The following ANTXRL variants were observed in gnomAD, a reference collection of about 807,000 sequenced individuals.
ANTXRL encodes anthrax toxin receptor-like.
Under a neutral mutation model 75.4 loss-of-function variants are expected in ANTXRL, and 63 were observed. That is an observed-to-expected ratio of 0.84 (90% CI 0.68 to 1.03). ANTXRL has a LOEUF of 1.03. Among genes scored for constraint, ANTXRL ranks in the 50% least tolerant of loss-of-function variants. The pLI, the probability that ANTXRL is intolerant of heterozygous loss-of-function variation, is 0.00. For missense variants in ANTXRL, 797 were observed against 789.4 expected (o/e 1.01, Z -0.12); for synonymous variants, 335 against 291.3 (o/e 1.15, Z -1.53).
At chr10:46,316,732 A>T (rs1838744988) in intron 16 of ANTXRL, among the ~76,000 whole-genome samples, 1 of 152,244 alleles carries the variant, frequency 6.6e-6, no homozygotes, top group South Asian at 2.1e-4. Flanking sequence ...CAGGTCCTCA[A>T]ATAACGTTTC....
chr10:46,292,496 C>T (rs1170130553), intron 2 of ANTXRL, among the ~76,000 whole-genome samples: 6 of 152,162 alleles, frequency 3.9e-5, no homozygotes, highest in African/African-American at 1.4e-4. Context: ...AAGGAAAAAA[C>T]AGGAACTCCT....
intron 16 of ANTXRL, among the ~76,000 whole-genome samples, chr10:46,316,772 A>T (rs2085670080): frequency 6.6e-6 from 1 of 152,146 alleles, no homozygotes; most frequent in South Asian, 2.1e-4. Flanking sequence ...CCGAGTGAGA[A>T]ATGATGATGC....
chr10:46,307,574 G>A, intron 12 of ANTXRL, 94 bp downstream of exon 12: 1 of 1,204,398 alleles, frequency 8.3e-7, no homozygotes, highest in Non-Finnish European at 1.2e-6. Context: ...TTCCCAGGCA[G>A]TCCCAGAAAG....
chr10:46,323,170 T>A (rs1839059088), intron 16 of ANTXRL, among the ~76,000 whole-genome samples: 1 of 152,168 alleles, frequency 6.6e-6, no homozygotes, highest in Non-Finnish European at 1.5e-5. Context: ...GCAAAAAGCC[T>A]GTGGTTTGAG....
Position 46,302,893 on chromosome 10 carries a change from G to A in ANTXRL, c.895+73G>A, listed in dbSNP as rs1837840663. 7 of 1,215,594 alleles carry A rather than the reference G, an allele frequency of 5.8e-6. No individual in the cohort carries two copies. The South Asian group carries it at 6.7e-5, about 12-fold the overall frequency. The allele number at this position is 1,215,594 out of a possible 1,614,324, so 75.3% of individuals were successfully genotyped here. On this transcript the variant is annotated intron_variant, in intron 10 of 16. Coordinates refer to ENST00000620264, the MANE Select transcript of ANTXRL (RefSeq NM_001278688.3). ...GCTGCCTTTCCCCACAGCCAGCCAA[G>A]CCTCCCAGCCCTTGCCAACCATTCC...
chr10:46,287,051 A>G lies in ANTXRL; in HGVS notation c.-212A>G, dbSNP rs12571554. 14,146 of 622,720 alleles carry G rather than the reference A, an allele frequency of 0.023. 510 individuals carry two copies. Among genetic ancestry groups the G allele is most frequent in the East Asian group, 0.093 (3,261 of 35,052 alleles). The allele number at this position is 622,720 out of a possible 1,614,324, so 38.6% of individuals were successfully genotyped here. Reference sequence around the variant, plus strand: ...GGGAAGGGCCAGGCAGGTAGCTGGAAGCAAGTCTCCCAGAGCCAGCTGCTG... The same window carrying G: ...GGGAAGGGCCAGGCAGGTAGCTGGAGGCAAGTCTCCCAGAGCCAGCTGCTG... On this transcript the variant is annotated 5_prime_UTR_variant, in exon 1 of 17. Transcript: ENST00000620264.
Position 46,329,445 on chromosome 10 carries a change from G to A in ANTXRL, c.1411-154G>A, listed in dbSNP as rs184722974. 5.3e-3 allele frequency among the ~76,000 whole-genome samples: 805 copies of A among 152,208 alleles called. 7 individuals carry two copies. The highest frequency in any genetic ancestry group is 7.8e-3 in the Non-Finnish European group (529 of 68,004). On this transcript the variant is annotated intron_variant, in intron 16 of 16. Transcript: ENST00000620264. ...CTGGAAGGAGGAGTCCAGGCTGGAG[G>A]CAGCACCAAGGGGAGAGAGGAGGAG...
intron 7 of ANTXRL, 106 bp from the exon 8 acceptor site, chr10:46,297,725 T>C: frequency 9.3e-7 from 1 of 1,070,314 alleles, no homozygotes; most frequent in Non-Finnish European, 1.4e-6. Flanking sequence ...GAGCCTGACA[T>C]TCTGCTGCCC....
Position 46,313,227 on chromosome 10 carries a change from GC to G in ANTXRL, c.1330-8del. ...TGCATGTCTTCCTCATGGCCACGTTGCTTTTCAGGGCAATCTGGATACCTTT... is the reference window on the plus strand; with the variant it reads ...TGCATGTCTTCCTCATGGCCACGTTGTTTTCAGGGCAATCTGGATACCTTT... On this transcript the variant is annotated splice_region_variant and splice_polypyrimidine_tract_variant and intron_variant, in intron 15 of 16. Transcript: ENST00000620264. 1.3e-6 allele frequency: 2 copies of G among 1,535,728 alleles called. No homozygotes were observed. The highest frequency in any genetic ancestry group is 1.7e-6 in the Non-Finnish European group (2 of 1,146,622).
chr10:46,311,870 C>T (rs1304949608), intron 15 of ANTXRL, among the ~76,000 whole-genome samples: 1 of 152,008 alleles, frequency 6.6e-6, no homozygotes, highest in Non-Finnish European at 1.5e-5. Context: ...GGCTCCTGTC[C>T]CCTGCACCAC....
chr10:46,329,757 C>T lies in ANTXRL; in HGVS notation c.1569C>T (p.Leu523=). Residue 523 remains leucine, a synonymous_variant, in exon 17 of 17, where the codon CTC becomes CTT. Transcript: ENST00000620264. ...CLRHSRECLA[L]KQARCSPNIC... is the part of the protein sequence containing the mutation. ...GACACAGCCGGGAGTGCCTCGCCCT[C>T]AAACAGGCTCGCTGCAGCCCAAACA... is the stretch of plus-strand genomic sequence containing the variant. The T allele has an allele frequency of 6.5e-7, 1 of 1,534,644 alleles. No individual in the cohort carries two copies. The highest frequency in any genetic ancestry group is 8.7e-7 in the Non-Finnish European group (1 of 1,146,592).
intron 13 of ANTXRL, 61 bp from the exon 14 acceptor site, chr10:46,310,400 G>C: frequency 6.7e-7 from 1 of 1,487,690 alleles, no homozygotes; most frequent in Non-Finnish European, 9.1e-7. Flanking sequence ...CTGTGTGCAG[G>C]GCCAAGGCAG....
At position 46,297,335 on chromosome 10, in the gene ANTXRL, C is replaced by A. The variant is rs1837439896; in HGVS notation, c.585+7C>A. Reference sequence around the variant, plus strand: ...TCAGGACACTCTCAGAGAAGTGAGTCCAGTTCATACTTACCAGCATTTTGC... The same window carrying A: ...TCAGGACACTCTCAGAGAAGTGAGTACAGTTCATACTTACCAGCATTTTGC... On this transcript the variant is annotated splice_region_variant and intron_variant, in intron 6 of 16. Transcript: ENST00000620264. The A allele has an allele frequency of 6.5e-7, 1 of 1,536,138 alleles. No homozygotes were observed. Among genetic ancestry groups the A allele is most frequent in the Admixed American group, 2.0e-5 (1 of 50,970 alleles).
intron 3 of ANTXRL, among the ~76,000 whole-genome samples, chr10:46,294,696 G>A (rs1472624934): frequency 6.6e-6 from 1 of 152,116 alleles, no homozygotes; most frequent in African/African-American, 2.4e-5. Flanking sequence ...GGTGTGAGGT[G>A]GTAAAAAGCA....
chr10:46,329,596 C>T lies in ANTXRL; in HGVS notation c.1411-3C>T, dbSNP rs1554967093. 44 of 1,534,904 alleles carry T rather than the reference C, an allele frequency of 2.9e-5. No individual in the cohort carries two copies. Among genetic ancestry groups the T allele is most frequent in the Non-Finnish European group, 3.7e-5 (42 of 1,145,824 alleles). On this transcript the variant is annotated splice_region_variant and splice_polypyrimidine_tract_variant and intron_variant, in intron 16 of 16. Coordinates refer to ENST00000620264, the MANE Select transcript of ANTXRL (RefSeq NM_001278688.3). ...GACCTTCTCTCTCTTCTCTTCCCTA[C>T]AGGGGAGGTACCTCAGCTTAGCCCT... is the stretch of plus-strand genomic sequence containing the variant.
chr10:46,288,760 G>C (rs1836862135), intron 1 of ANTXRL, among the ~76,000 whole-genome samples: 1 of 152,202 alleles, frequency 6.6e-6, no homozygotes, highest in South Asian at 2.1e-4. Context: ...GACCTGCCAG[G>C]CAAGGCAGAG....
At chr10:46,293,242 A>ATG (rs1491177586) in intron 2 of ANTXRL, 1 of 134,262 alleles carries the variant, frequency 7.4e-6, no homozygotes, top group Non-Finnish European at 1.5e-5. Context: ...GTGTGTATGC[A>ATG]TGTGTGTGGG....
chr10:46,308,409 CCT>C, intron 12 of ANTXRL: 1 of 322,088 alleles, frequency 3.1e-6, no homozygotes, highest in Non-Finnish European at 6.0e-6. Context: ...CCTTCCCTCC[CCT>C]CCCCTCCCCT....
chr10:46,288,731 C>A (rs1836861148), intron 1 of ANTXRL, among the ~76,000 whole-genome samples: 1 of 152,120 alleles, frequency 6.6e-6, no homozygotes, highest in East Asian at 1.9e-4. Flanking sequence ...GAGGCGATGA[C>A]AGAGGATGGG....
Sources: allele counts gnomAD v4.1 joint callset (sites outside exome capture counted in the v4.1 genomes callset), GRCh38; gene constraint gnomAD v4.1.1; transcripts MANE v1.5; gene names NCBI Gene and HGNC (gene_info 2026-07-23, HGNC 2026-07-21).